Variants in HSP90AA1 observed in about 807,000 individuals in gnomAD.
HSP90AA1 encodes heat shock protein HSP 90-alpha.
HSP90AA1 carries 18 observed loss-of-function variants against 73.3 expected under a neutral mutation model. The ratio of observed to expected loss-of-function variants is 0.25; its 90% CI spans 0.17 to 0.36. The LOEUF is 0.36. HSP90AA1 is among the 10% of genes least tolerant of loss of function. The pLI is 1.00. For synonymous variants in HSP90AA1, 477 were observed against 296.9 expected (o/e 1.61, Z -6.24); for missense variants, 704 against 874.2 (o/e 0.81, Z 2.45).
chr14:102,082,971 G>A (rs2049133890), intron 9 of HSP90AA1, 63 bp downstream of exon 9: 1 of 1,507,814 alleles, frequency 6.6e-7, no homozygotes, highest in Non-Finnish European at 9.2e-7. Context: ...AATGGGCTAT[G>A]TATGACTAAG....
chr14:102,092,127 C>T (rs1410367843), intron 2 of HSP90AA1, among the ~76,000 whole-genome samples: 5 of 150,198 alleles, frequency 3.3e-5, no homozygotes, highest in African/African-American at 9.8e-5. Flanking sequence ...AGTGCAGTGT[C>T]GCGTGCTCTT....
At position 102,093,789 on chromosome 14, in the gene HSP90AA1, G is replaced by A. The variant is rs2049389796; in HGVS notation, c.367-7411C>T. ...GGAGTTAGAGACCAGCCTGGCCAAC[G>A]TGGTGAAACCCCAGCTCTACTAAAA... On this transcript the variant is annotated intron_variant, in intron 2 of 11. Coordinates refer to the HSP90AA1 transcript ENST00000334701. 3.3e-5 allele frequency among the ~76,000 whole-genome samples: 5 copies of A among 152,018 alleles called. No homozygotes were observed. The South Asian group carries it at 1.0e-3, about 32-fold the overall frequency.
chr14:102,088,008 G>A (rs60182473), upstream of HSP90AA1, among the ~76,000 whole-genome samples: 2,240 of 146,696 alleles, frequency 0.015, 67 homozygotes, highest in African/African-American at 0.055. Context: ...GTGCCGCGGC[G>A]GAATCTCGGC....
chr14:102,139,474 C>G (rs2050190301), exon 1 of HSP90AA1: 1 of 1,443,420 alleles, frequency 6.9e-7, no homozygotes, highest in Non-Finnish European at 9.2e-7. Flanking sequence ...GCTCTTCCTC[C>G]GCTCTTTGGG....
rs188205967 is a variant in HSP90AA1, at chr14:102,136,288, G to C, written c.155+2962C>G. Among the ~76,000 whole-genome samples, 1,175 of 152,274 alleles carry C rather than the reference G, an allele frequency of 7.7e-3. 11 individuals carry two copies. The highest frequency in any genetic ancestry group is 0.027 in the African/African-American group (1,132 of 41,554). On this transcript the variant is annotated intron_variant, in intron 1 of 11. Transcript: ENST00000334701. ...ATTTATTTAGAAATACCCGGTTTGG[G>C]CCGGGCGCGGTGGCTCACGCTTGTA...
chr14:102,091,095 A>G (rs977715991), upstream of HSP90AA1, among the ~76,000 whole-genome samples: 2 of 152,198 alleles, frequency 1.3e-5, no homozygotes, highest in Non-Finnish European at 1.5e-5. Context: ...GGCTCAGGTG[A>G]TAGCCTACCC....
chr14:102,086,088 G>A lies in HSP90AA1; in HGVS notation c.199C>T (p.Pro67Ser), dbSNP rs778032102. 24 of 1,613,762 alleles carry A rather than the reference G, an allele frequency of 1.5e-5. No homozygotes were observed. The highest frequency in any genetic ancestry group is 6.7e-5 in the African/African-American group (5 of 74,860). ...TCTTTCCCAGAGTCTAATTTACTGG[G>A]ATCTGTCAAGCTTTCATACCGGATT... is the stretch of plus-strand genomic sequence containing the variant. Reference protein sequence around the residue: ...DKIRYESLTDPSKLDSGKELH... With the variant: ...DKIRYESLTDSSKLDSGKELH... The change falls in exon 3 of 11, where the codon CCC becomes TCC. Residue 67 changes from proline (P) to serine (S), a missense_variant. Coordinates refer to ENST00000216281, the MANE Select transcript of HSP90AA1 (RefSeq NM_005348.4).
chr14:102,084,090 G>C (rs2049162271), intron 6 of HSP90AA1, 107 bp from the exon 7 acceptor site: 7 of 913,900 alleles, frequency 7.7e-6, no homozygotes, highest in Admixed American at 2.0e-5. Flanking sequence ...ACGTATTTTT[G>C]AGACAGTCTC....
chr14:102,128,042 C>G (rs1595680252), intron 1 of HSP90AA1, among the ~76,000 whole-genome samples: 1 of 152,182 alleles, frequency 6.6e-6, no homozygotes, highest in South Asian at 2.1e-4. Context: ...TTCTTCTGTG[C>G]TGCTCTCTTC....
At chr14:102,129,417 G>C (rs867734448) in intron 1 of HSP90AA1, among the ~76,000 whole-genome samples, 1 of 151,916 alleles carries the variant, frequency 6.6e-6, no homozygotes, top group Non-Finnish European at 1.5e-5. Flanking sequence ...AAGAAACCCT[G>C]GGCTCATTAG....
At position 102,139,435 on chromosome 14, in the gene HSP90AA1, G is replaced by T. The variant is rs2152631884; in HGVS notation, c.-31C>A. The stretch of plus-strand genomic sequence containing the variant: ...CTCCCCGTAGGGTACCCCGCGTGCT[G>T]GCTCCGAAGCGGTGGCCGTCGGGGT... On this transcript the variant is annotated 5_prime_UTR_variant, in exon 1 of 12. Coordinates refer to the HSP90AA1 transcript ENST00000334701. 5 of 1,514,630 alleles carry T rather than the reference G, an allele frequency of 3.3e-6. No individual in the cohort carries two copies. In the East Asian group the frequency reaches 1.2e-4, roughly 37 times the overall value. The allele number at this position is 1,514,630 out of a possible 1,614,324, so 93.8% of individuals were successfully genotyped here. A position where few individuals can be genotyped will look rare whatever the true frequency, so the allele number is the denominator to read the frequency against.
intron 2 of HSP90AA1, among the ~76,000 whole-genome samples, chr14:102,097,174 C>T (rs1434725229): frequency 2.6e-5 from 4 of 151,948 alleles, no homozygotes; most frequent in African/African-American, 7.3e-5. Context: ...TTAGTAGAGA[C>T]GGGGTTTCTC....
rs1221884400 is a variant in HSP90AA1, at chr14:102,086,132, C to CA, written c.163-9dup. On this transcript the variant is annotated splice_polypyrimidine_tract_variant and intron_variant, in intron 2 of 10. Transcript: ENST00000216281. The stretch of plus-strand genomic sequence containing the variant: ...CCGGATTTTGTCCAATGCCTGTTAA[C>CA]AAAAAATATTAATTTAAGCATACAG... The CA allele has an allele frequency of 1.2e-6, 2 of 1,613,912 alleles. No homozygotes were observed. Among genetic ancestry groups the CA allele is most frequent in the Non-Finnish European group, 8.5e-7 (1 of 1,179,978 alleles).
At chr14:102,082,062 TGTCAC>T in intron 10 of HSP90AA1, 44 bp downstream of exon 10, 2 of 1,255,716 alleles carry the variant, frequency 1.6e-6, no homozygotes, top group Non-Finnish European at 2.3e-6. Context: ...TTTTCTTCAA[TGTCAC>T]GTGTGTTTAT....
intron 1 of HSP90AA1, among the ~76,000 whole-genome samples, chr14:102,120,807 G>A (rs2049767002): frequency 6.6e-6 from 1 of 151,476 alleles, no homozygotes; most frequent in Non-Finnish European, 1.5e-5. Context: ...GCGTGGCGGT[G>A]GGCGCCTATA....
At chr14:102,102,245 C>G (rs1293657040) in intron 1 of HSP90AA1, among the ~76,000 whole-genome samples, 2 of 152,162 alleles carry the variant, frequency 1.3e-5, no homozygotes, top group East Asian at 3.8e-4. Context: ...TGTTCTCTTC[C>G]TGCAGGAAGT....
At chr14:102,082,753 T>C (rs1263980218) in intron 9 of HSP90AA1, 2 of 501,862 alleles carry the variant, frequency 4.0e-6, no homozygotes, top group Admixed American at 6.6e-5. Context: ...CCCAAGTGGC[T>C]AGGATTACAG....
chr14:102,085,547 G>C (rs1471419219), intron 3 of HSP90AA1, 116 bp from the exon 4 acceptor site: 1 of 1,224,362 alleles, frequency 8.2e-7, no homozygotes, highest in Non-Finnish European at 1.2e-6. Flanking sequence ...CAGATGCAAA[G>C]GCCACCACAG....
intron 1 of HSP90AA1, 134 bp from the exon 2 acceptor site, chr14:102,086,512 G>T (rs866541700): frequency 4.9e-6 from 5 of 1,015,144 alleles, no homozygotes; most frequent in Middle Eastern, 2.0e-4. Flanking sequence ...AAAATAGAAG[G>T]GCGGCTGACA....
Sources: gnomAD v4.1 joint callset for allele counts (sites outside exome capture counted in the v4.1 genomes callset) on GRCh38, gnomAD v4.1.1 for gene constraint, MANE v1.5 for transcripts, NCBI Gene and HGNC (gene_info 2026-07-23, HGNC 2026-07-21) for gene names.